Variants in MMP21 observed in about 807,000 individuals in gnomAD.
MMP21 encodes the protein matrix metallopeptidase 21.
A neutral mutation model predicts 47.8 loss-of-function variants in MMP21; 40 were observed. The ratio of observed to expected loss-of-function variants is 0.84; its 90% CI spans 0.65 to 1.09. The LOEUF is 1.09. Ranked by LOEUF, MMP21 falls within the 50% of genes least tolerant of loss-of-function variation. The pLI, the probability that MMP21 is intolerant of heterozygous loss-of-function variation, is 0.00. For missense variants in MMP21, 747 were observed against 775.3 expected, an observed-to-expected ratio of 0.96 and a Z score of 0.43; for synonymous variants, 341 against 318.0, an observed-to-expected ratio of 1.07 and a Z score of -0.77.
At position 125,766,629 on chromosome 10, in the gene MMP21, G is replaced by T. The variant is rs954084896; in HGVS notation, c.*33C>A. ...TAAACAGTATCAGAATTTTAGCGAA[G>T]TCCTATGACCCTCCATTTCCTACTT... On this transcript the variant is annotated 3_prime_UTR_variant, in exon 7 of 7. Coordinates refer to ENST00000368808, the MANE Select transcript of MMP21 (RefSeq NM_147191.1). 2.6e-6 allele frequency: 4 copies of T among 1,532,504 alleles called. No individual in the cohort carries two copies. Among genetic ancestry groups the T allele is most frequent in the Non-Finnish European group, 3.5e-6 (4 of 1,143,420 alleles). The allele number at this position is 1,532,504 out of a possible 1,614,324, so 94.9% of individuals were successfully genotyped here.
Position 125,774,223 on chromosome 10 carries a change from C to T in MMP21, c.305G>A (p.Gly102Glu), listed in dbSNP as rs1850489752. 1.4e-6 allele frequency: 2 copies of T among 1,389,264 alleles called. No individual in the cohort carries two copies. Among genetic ancestry groups the T allele is most frequent in the Non-Finnish European group, 9.3e-7 (1 of 1,074,572 alleles). 86.1% of individuals were successfully genotyped at this position (1,389,264 alleles called of 1,614,324 possible). The change falls in exon 2 of 7, where the codon GGG becomes GAG. Residue 102 changes from glycine (G) to glutamate (E), a missense_variant. By Grantham distance (98) the Gly-to-Glu change is moderately conservative (BLOSUM62 -2). Transcript: ENST00000368808. ...FQRANALPAS[G>E]ELDAATLAAM... ...CGCTAGGGTGGCCGCGTCCAGCTCC[C>T]CGCTGGCCGGCAGCGCGTTCGCCCG... is the stretch of plus-strand genomic sequence containing the variant.
At position 125,770,606 on chromosome 10, in the gene MMP21, C is replaced by CA. The variant is rs751578472; in HGVS notation, c.980-16dup. ...CTCACAGGAGCCTTAAAAAAACAAA[C>CA]AAAAAACAGCCACTTGTCACATACA... On this transcript the variant is annotated splice_polypyrimidine_tract_variant and intron_variant, in intron 4 of 6. Coordinates refer to ENST00000368808, the MANE Select transcript of MMP21 (RefSeq NM_147191.1). The CA allele has an allele frequency of 1.2e-6, 2 of 1,609,360 alleles. No individual in the cohort carries two copies. Among genetic ancestry groups the CA allele is most frequent in the South Asian group, 2.2e-5 (2 of 90,398 alleles).
In MMP21 at chr10:125,766,651, A is replaced by G. The variant is rs1262411777; in HGVS notation, c.*11T>C. 4 of 1,573,690 alleles carry G rather than the reference A, an allele frequency of 2.5e-6. No homozygotes were observed. Among genetic ancestry groups the G allele is most frequent in the South Asian group, 1.2e-5 (1 of 82,890 alleles). ...GAAGTCCTATGACCCTCCATTTCCT[A>G]CTTTTTCTTATTACATGTTCAGTGT... is the stretch of plus-strand genomic sequence containing the variant. On this transcript the variant is annotated 3_prime_UTR_variant, in exon 7 of 7. Transcript: ENST00000368808.
Position 125,772,070 on chromosome 10 carries a change from C to G in MMP21, c.979+148G>C, listed in dbSNP as rs1772065181. On this transcript the variant is annotated intron_variant, in intron 4 of 6. Coordinates refer to ENST00000368808, the MANE Select transcript of MMP21 (RefSeq NM_147191.1). This position sits in a 1 kb window ranked among gnomAD's most constrained non-coding sequence, Gnocchi z 5.6. Reference sequence around the variant, plus strand: ...TAACTGAGAGAATGGCATCAGGGAGCTAGAGGGTGGCTACCCTTGGGTGAC... The same window carrying G: ...TAACTGAGAGAATGGCATCAGGGAGGTAGAGGGTGGCTACCCTTGGGTGAC... 1.1e-6 allele frequency: 1 copy of G among 895,470 alleles called. No homozygotes were observed. Among genetic ancestry groups the G allele is most frequent in the African/African-American group, 1.7e-5 (1 of 59,924 alleles). 55.5% of individuals were successfully genotyped at this position (895,470 alleles called of 1,614,324 possible).
rs769138906 is a variant in MMP21, at chr10:125,766,771, T to A, written c.1601A>T (p.Asp534Val). The A allele has an allele frequency of 7.4e-6, 12 of 1,613,916 alleles. No individual in the cohort carries two copies. Among genetic ancestry groups the A allele is most frequent in the Non-Finnish European group, 1.0e-5 (12 of 1,179,988 alleles). Reference protein sequence around the residue: ...NAYWKVVNDKDKQQNSWLPAN... With the variant: ...NAYWKVVNDKVKQQNSWLPAN... ...AGGAAGCCAGGAATTCTGTTGTTTG[T>A]CCTTGTCATTAACTACCTTCCAGTA... The change falls in exon 7 of 7, where the codon GAC becomes GTC. Residue 534 changes from aspartate (D) to valine (V), a missense_variant. Asp to Val is a radical substitution (Grantham distance 152). Coordinates refer to ENST00000368808, the MANE Select transcript of MMP21 (RefSeq NM_147191.1).
rs538164788 is a variant in MMP21, at chr10:125,767,477, G to A, written c.1410+55C>T. On this transcript the variant is annotated intron_variant, in intron 6 of 6. Coordinates refer to ENST00000368808, the MANE Select transcript of MMP21 (RefSeq NM_147191.1). Reference sequence around the variant, plus strand: ...TTAAATATGAACTTGGTCATCTGACGAATCTCTATTAGGGATGACAGAAGC... The same window carrying A: ...TTAAATATGAACTTGGTCATCTGACAAATCTCTATTAGGGATGACAGAAGC... The A allele has an allele frequency of 7.9e-5, 120 of 1,514,850 alleles. No individual in the cohort carries two copies. In the Admixed American group the frequency reaches 1.2e-3, roughly 15 times the overall value. The allele number at this position is 1,514,850 out of a possible 1,614,324, so 93.8% of individuals were successfully genotyped here. A position where few individuals can be genotyped will look rare whatever the true frequency, so the allele number is the denominator to read the frequency against.
At position 125,767,540 on chromosome 10, in the gene MMP21, C is replaced by T. The variant is rs1373651379; in HGVS notation, c.1402G>A (p.Glu468Lys). The T allele has an allele frequency of 1.9e-6, 3 of 1,613,930 alleles. No individual in the cohort carries two copies. Among genetic ancestry groups the T allele is most frequent in the Non-Finnish European group, 2.5e-6 (3 of 1,179,948 alleles). ...RRQKLIYFFKESLVFAFDVNR... is the reference protein window; with the variant it reads ...RRQKLIYFFKKSLVFAFDVNR... ...AAGAGCCTTCTACTTACAAGGGACT[C>T]CTTGAAGAAGTAAATTAACTTCTGT... Residue 468 changes from glutamate (E) to lysine (K), a missense_variant, in exon 6 of 7, where the codon GAG becomes AAG. Transcript: ENST00000368808.
At chr10:125,775,483 C>A (rs1850506199) in intron 1 of MMP21, among the ~76,000 whole-genome samples, 177 bp downstream of exon 1, 1 of 152,248 alleles carries the variant, frequency 6.6e-6, no homozygotes, top group African/African-American at 2.4e-5. Flanking sequence ...AGCATCGATT[C>A]ATGGTTGTTC....
Position 125,770,508 on chromosome 10 carries a change from T to G in MMP21, c.1063A>C (p.Ser355Arg), listed in dbSNP as rs779230567. The part of the protein sequence containing the change: ...NQYGEVMVRF[S>R]TYFFRNSWYW... Reference sequence around the variant, plus strand: ...CAGCTGTTACGGAAGAAATATGTGCTAAATCTCACCATCACCTCTCCATAT... The same window carrying G: ...CAGCTGTTACGGAAGAAATATGTGCGAAATCTCACCATCACCTCTCCATAT... Residue 355 changes from serine (S) to arginine (R), a missense_variant, in exon 5 of 7, where the codon AGC (serine) becomes CGC (arginine). By Grantham distance (110) the Ser-to-Arg change is moderately radical (BLOSUM62 -1). Transcript: ENST00000368808. The G allele has an allele frequency of 1.2e-6, 2 of 1,614,166 alleles. No individual in the cohort carries two copies.
chr10:125,773,814 G>T lies in MMP21; in HGVS notation c.697+17C>A, dbSNP rs1002633825. The T allele has an allele frequency of 2.7e-6, 4 of 1,495,192 alleles. No individual in the cohort carries two copies. The East Asian group carries it at 7.8e-5, about 29-fold the overall frequency. The allele number at this position is 1,495,192 out of a possible 1,614,324, so 92.6% of individuals were successfully genotyped here. ...AGGGGCTGGGTCGGGCAGGCAGGGA[G>T]CCCGGGGTGCTCTTACCTCTCCCAA... On this transcript the variant is annotated intron_variant, in intron 2 of 6. Coordinates refer to ENST00000368808, the MANE Select transcript of MMP21 (RefSeq NM_147191.1). This position sits in a 1 kb window ranked among gnomAD's most constrained non-coding sequence, Gnocchi z 4.8.
Position 125,773,864 on chromosome 10 carries a change from C to T in MMP21, c.664G>A (p.Ala222Thr). The T allele has an allele frequency of 1.3e-6, 2 of 1,569,070 alleles. No individual in the cohort carries two copies. Among genetic ancestry groups the T allele is most frequent in the Non-Finnish European group, 1.7e-6 (2 of 1,164,838 alleles). ...AAGCCCAGCTTGATGTCGACCGCGG[C>T]CCCGGGGGCGGCCAGGTCCTCGCGG... ...DFREDLAAPG[A>T]AVDIKLGFGR... is the part of the protein sequence containing the mutation. Residue 222 changes from alanine to threonine, a missense_variant, in exon 2 of 7, where the codon GCC becomes ACC. Transcript: ENST00000368808. This position sits in a 1 kb window ranked among gnomAD's most constrained non-coding sequence, Gnocchi z 4.8.
At position 125,772,490 on chromosome 10, in the gene MMP21, A is replaced by G. The variant is rs547302199; in HGVS notation, c.837+121T>C. The G allele has an allele frequency of 8.3e-6, 13 of 1,562,016 alleles. No individual in the cohort carries two copies. Among genetic ancestry groups the G allele is most frequent in the Middle Eastern group, 1.8e-4 (1 of 5,502 alleles). On this transcript the variant is annotated intron_variant, in intron 3 of 6. Transcript: ENST00000368808. This position sits in a 1 kb window ranked among gnomAD's most constrained non-coding sequence, Gnocchi z 5.6. ...GGAGCACCGGTGGAACTGGGGAGCC[A>G]TTCCACGGATTCACCTCCTCAGAGG... is the stretch of plus-strand genomic sequence containing the variant.
chr10:125,775,539 C>T (rs905387769), intron 1 of MMP21, 121 bp downstream of exon 1: 45 of 1,313,550 alleles, frequency 3.4e-5, no homozygotes, highest in Non-Finnish European at 4.5e-5. Context: ...CCCAGCCTGC[C>T]TGGCCCTTCT....
chr10:125,772,485 G>A lies in MMP21; in HGVS notation c.837+126C>T. 1 of 1,561,078 alleles carries A rather than the reference G, an allele frequency of 6.4e-7. No individual in the cohort carries two copies. Among genetic ancestry groups the A allele is most frequent in the East Asian group, 2.3e-5 (1 of 44,442 alleles). On this transcript the variant is annotated intron_variant, in intron 3 of 6. Coordinates refer to ENST00000368808, the MANE Select transcript of MMP21 (RefSeq NM_147191.1). This position sits in a 1 kb window ranked among gnomAD's most constrained non-coding sequence, Gnocchi z 5.6. ...AGAGGGGAGCACCGGTGGAACTGGG[G>A]AGCCATTCCACGGATTCACCTCCTC...
At chr10:125,771,682 C>T (rs1206629379) in intron 4 of MMP21, among the ~76,000 whole-genome samples, 1 of 152,192 alleles carries the variant, frequency 6.6e-6, no homozygotes, top group African/African-American at 2.4e-5. Flanking sequence ...GGATTGCAGG[C>T]ATGAGCCACT....
rs577090057 is a variant in MMP21, at chr10:125,774,067, C to T, written c.461G>A (p.Arg154Gln). 5 of 1,443,378 alleles carry T rather than the reference C, an allele frequency of 3.5e-6. No homozygotes were observed. Among genetic ancestry groups the T allele is most frequent in the East Asian group, 3.0e-5 (1 of 33,694 alleles). 89.4% of individuals were successfully genotyped at this position (1,443,378 alleles called of 1,614,324 possible). A position where few individuals can be genotyped will look rare whatever the true frequency, so the allele number is the denominator to read the frequency against. The change falls in exon 2 of 7, where the codon CGG (arginine) becomes CAG (glutamine). Residue 154 changes from arginine to glutamine, a missense_variant. Transcript: ENST00000368808. Reference protein sequence around the residue: ...RSPRAPLSLSRRGWQPRGYPD... With the variant: ...RSPRAPLSLSQRGWQPRGYPD... ...GTAGCCCCGGGGCTGCCAACCCCGC[C>T]GGGACAAGGACAGCGGCGCCCGCGG...
intron 6 of MMP21, among the ~76,000 whole-genome samples, 194 bp from the exon 7 acceptor site, chr10:125,767,155 C>T (rs939653045): frequency 2.6e-5 from 4 of 151,584 alleles, no homozygotes; most frequent in African/African-American, 9.7e-5. Context: ...TTTTTGGGCC[C>T]GGTCTCACTC....
chr10:125,770,103 G>C (rs763476086), intron 5 of MMP21, among the ~76,000 whole-genome samples: 17 of 152,164 alleles, frequency 1.1e-4, no homozygotes, highest in Admixed American at 7.9e-4. Flanking sequence ...GTAGTGAGCC[G>C]TGATTGTGCA....
In MMP21 at chr10:125,772,686, G is replaced by C; in HGVS notation, c.762C>G (p.Arg254=). Reference sequence around the variant, plus strand: ...CGTCGTCAAAGTGAATGTCACCTAGGCGCCAGGCGTGTGCAAACTCCTGCC... The same window carrying C: ...CGTCGTCAAAGTGAATGTCACCTAGCCGCCAGGCGTGTGCAAACTCCTGCC... ...GSGQEFAHAW[R]LGDIHFDDDE... Residue 254 remains arginine, a synonymous_variant, in exon 3 of 7, where the codon CGC becomes CGG. Coordinates refer to ENST00000368808, the MANE Select transcript of MMP21 (RefSeq NM_147191.1). This position sits in a 1 kb window ranked among gnomAD's most constrained non-coding sequence, Gnocchi z 5.6. 1 of 1,614,210 alleles carries C rather than the reference G, an allele frequency of 6.2e-7. No homozygotes were observed. The highest frequency in any genetic ancestry group is 1.1e-5 in the South Asian group (1 of 91,082).
Sources: gnomAD v4.1 joint callset for allele counts (sites outside exome capture counted in the v4.1 genomes callset) on GRCh38, gnomAD v4.1.1 for gene constraint, Gnocchi (gnomAD v3.1) non-coding constraint, MANE v1.5 for transcripts, NCBI Gene and HGNC (gene_info 2026-07-23, HGNC 2026-07-21) for gene names.